Variants in ARFIP1 observed in about 807,000 individuals in gnomAD.
ARFIP1 encodes arfaptin-1.
In ARFIP1, 24 loss-of-function variants were observed where a neutral mutation model predicts 42.5. That is an observed-to-expected ratio of 0.57 (90% CI 0.41 to 0.80). The LOEUF (loss-of-function observed/expected upper bound fraction) is 0.80, where lower values mean the gene tolerates loss of function less well. Ranked by LOEUF, ARFIP1 falls within the 30% of genes least tolerant of loss-of-function variation. The pLI, the probability that ARFIP1 is intolerant of heterozygous loss-of-function variation, is 0.00. For synonymous variants in ARFIP1, 141 were observed against 153.7 expected, an observed-to-expected ratio of 0.92 and a Z score of 0.61; for missense variants, 354 against 434.0, an observed-to-expected ratio of 0.82 and a Z score of 1.64.
At chr4:152,862,979 T>C (rs1241680735) in intron 2 of ARFIP1, among the ~76,000 whole-genome samples, 1 of 152,230 alleles carries the variant, frequency 6.6e-6, no homozygotes, top group Non-Finnish European at 1.5e-5. Context: ...TAAAGAACAT[T>C]GTGCTTCTTG....
chr4:152,815,327 A>G (rs142131545), intron 1 of ARFIP1, among the ~76,000 whole-genome samples: 102 of 152,244 alleles, frequency 6.7e-4, no homozygotes, highest in African/African-American at 2.3e-3. Context: ...ACAGAGCTTT[A>G]GATATTTACT....
chr4:152,800,423 G>C (rs12645750), intron 1 of ARFIP1, among the ~76,000 whole-genome samples: 2 of 152,136 alleles, frequency 1.3e-5, no homozygotes, highest in East Asian at 3.8e-4. Flanking sequence ...GGTCAACATA[G>C]CTTTTAAGGA....
intron 1 of ARFIP1, among the ~76,000 whole-genome samples, chr4:152,826,902 C>T (rs1730882245): frequency 6.6e-6 from 1 of 152,100 alleles, no homozygotes; most frequent in South Asian, 2.1e-4. Flanking sequence ...ACCTTGAAGA[C>T]ATTATGTTAA....
chr4:152,821,868 T>C (rs1730396682), intron 1 of ARFIP1, among the ~76,000 whole-genome samples: 1 of 152,046 alleles, frequency 6.6e-6, no homozygotes, highest in South Asian at 2.1e-4. Flanking sequence ...CCAGCAAAAC[T>C]AAGTTGTATA....
chr4:152,875,281 A>C (rs1369883647), intron 5 of ARFIP1, among the ~76,000 whole-genome samples: 1 of 151,826 alleles, frequency 6.6e-6, no homozygotes, highest in Non-Finnish European at 1.5e-5. Context: ...TCATCTACAG[A>C]AATAGTTGAA....
At chr4:152,787,804 A>G (rs909842734) in intron 1 of ARFIP1, among the ~76,000 whole-genome samples, 2 of 152,274 alleles carry the variant, frequency 1.3e-5, no homozygotes, top group Non-Finnish European at 2.9e-5. Context: ...CTCATTATGC[A>G]TATGGAAATA....
intron 8 of ARFIP1, among the ~76,000 whole-genome samples, chr4:152,902,865 C>T (rs1737962048): frequency 6.6e-6 from 1 of 152,180 alleles, no homozygotes; most frequent in African/African-American, 2.4e-5. Context: ...CCCAGGTTGA[C>T]TTTTACAAGG....
At chr4:152,892,580 T>C (rs1736951510) in intron 8 of ARFIP1, among the ~76,000 whole-genome samples, 1 of 152,210 alleles carries the variant, frequency 6.6e-6, no homozygotes, top group East Asian at 1.9e-4. Context: ...AGGAGTTAGG[T>C]TCTTAGCTAT....
intron 1 of ARFIP1, among the ~76,000 whole-genome samples, chr4:152,804,038 T>TATATATATTATATATAATATAACATGTA (rs1561107711): frequency 1.6e-5 from 2 of 128,060 alleles, no homozygotes; most frequent in East Asian, 2.1e-4. Context: ...TATAACGTAA[T>TATATATATTATATATAATATAACATGTA]ATATATATTA....
At chr4:152,873,797 G>A (rs570130268) in intron 5 of ARFIP1, among the ~76,000 whole-genome samples, 5 of 152,076 alleles carry the variant, frequency 3.3e-5, no homozygotes, top group South Asian at 2.1e-4. Context: ...ACGTGGGTTC[G>A]CTCCTGCTTA....
At chr4:152,863,969 CAA>C (rs1466873985) in intron 3 of ARFIP1, among the ~76,000 whole-genome samples, 1 of 151,968 alleles carries the variant, frequency 6.6e-6, no homozygotes, top group Non-Finnish European at 1.5e-5. Context: ...GAAATAAAAA[CAA>C]AAATTATGTC....
At chr4:152,811,668 C>G (rs112479004) in intron 1 of ARFIP1, among the ~76,000 whole-genome samples, 187 of 152,256 alleles carry the variant, frequency 1.2e-3, no homozygotes, top group African/African-American at 4.3e-3. Context: ...TAGCCTCAAC[C>G]TTAGAACAAA....
At chr4:152,853,122 T>G (rs192358617) in intron 2 of ARFIP1, among the ~76,000 whole-genome samples, 1 of 152,358 alleles carries the variant, frequency 6.6e-6, no homozygotes, top group Non-Finnish European at 1.5e-5. Flanking sequence ...TGTTCTCATA[T>G]TGTTAATTGG....
chr4:152,910,801 G>C lies in ARFIP1; in HGVS notation c.*582G>C, dbSNP rs1316445719. 1 of 152,148 alleles carries C rather than the reference G, an allele frequency of 6.6e-6. No homozygotes were observed. Among genetic ancestry groups the C allele is most frequent in the Non-Finnish European group, 1.5e-5 (1 of 68,014 alleles). The allele number at this position is 152,148 out of a possible 1,614,324, so 9.4% of individuals were successfully genotyped here. ...TTTTTAAAAATGAATCTGTACCACTGTAATTTTATTTAGACTTTTTTTTAA... is the reference window on the plus strand; with the variant it reads ...TTTTTAAAAATGAATCTGTACCACTCTAATTTTATTTAGACTTTTTTTTAA... On this transcript the variant is annotated 3_prime_UTR_variant, in exon 9 of 9. Transcript: ENST00000353617.
intron 1 of ARFIP1, among the ~76,000 whole-genome samples, chr4:152,820,883 G>C (rs1264365010): frequency 1.3e-5 from 2 of 152,180 alleles, no homozygotes; most frequent in Non-Finnish European, 2.9e-5. Context: ...CTCATACAGA[G>C]TCTTCACCAC....
intron 8 of ARFIP1, among the ~76,000 whole-genome samples, chr4:152,903,823 CTG>C (rs995911335): frequency 6.6e-6 from 1 of 151,958 alleles, no homozygotes; most frequent in African/African-American, 2.4e-5. Flanking sequence ...GGAGCTGTCT[CTG>C]TGTTTAGTCA....
intron 1 of ARFIP1, among the ~76,000 whole-genome samples, chr4:152,783,456 T>G (rs1016223348): frequency 6.6e-6 from 1 of 152,242 alleles, no homozygotes; most frequent in African/African-American, 2.4e-5. Flanking sequence ...TTTACATTAT[T>G]ATCTCAAATG....
At chr4:152,889,508 TATATATATATATATATATATATATATAC>T (rs1305680891) in intron 8 of ARFIP1, among the ~76,000 whole-genome samples, 2 of 56,206 alleles carry the variant, frequency 3.6e-5, no homozygotes, top group Non-Finnish European at 6.9e-5. Context: ...CATATATATA[TATATATATATATATATATATATATATAC>T]ACCTATTTTT....
chr4:152,883,241 T>G (rs951070440), intron 7 of ARFIP1: 1 of 203,350 alleles, frequency 4.9e-6, no homozygotes, highest in African/African-American at 2.4e-5. Flanking sequence ...AAACCCTGCC[T>G]TCTAGTGAGT....
Sources: gnomAD v4.1 joint callset for allele counts (sites outside exome capture counted in the v4.1 genomes callset) on GRCh38, gnomAD v4.1.1 for gene constraint, MANE v1.5 for transcripts, NCBI Gene and HGNC (gene_info 2026-07-23, HGNC 2026-07-21) for gene names.